The following FHOD3 variants were observed in gnomAD, a reference collection of about 807,000 sequenced individuals.
FHOD3 encodes formin homology 2 domain containing 3.
Under a neutral mutation model 173.0 loss-of-function variants are expected in FHOD3, and 90 were observed. The observed-to-expected ratio is 0.52, with a 90% CI of 0.44 to 0.62. The LOEUF (loss-of-function observed/expected upper bound fraction) is 0.62, where lower values mean the gene tolerates loss of function less well. FHOD3 is among the 20% of genes least tolerant of loss of function. The probability of loss-of-function intolerance (pLI) is 0.00; values close to 1 mark genes in which losing one functional copy is unlikely to be tolerated. For synonymous variants in FHOD3, 828 were observed against 823.0 expected (o/e 1.01, Z -0.10); for missense variants, 1,945 against 2,034.7 (o/e 0.96, Z 0.85).
intron 3 of FHOD3, among the ~76,000 whole-genome samples, chr18:36,401,164 A>G (rs2048794683): frequency 6.6e-6 from 1 of 152,158 alleles, no homozygotes; most frequent in Non-Finnish European, 1.5e-5. Context: ...CAATCACCAA[A>G]GCACTGGTAT....
At chr18:36,416,154 T>C (rs1402730734) in intron 3 of FHOD3, among the ~76,000 whole-genome samples, 4 of 152,146 alleles carry the variant, frequency 2.6e-5, no homozygotes, top group Non-Finnish European at 5.9e-5. Flanking sequence ...TGCCTCAGCC[T>C]TGCGAGTAGC....
chr18:36,514,764 C>T (rs771592588), intron 5 of FHOD3, among the ~76,000 whole-genome samples: 1 of 152,162 alleles, frequency 6.6e-6, no homozygotes, highest in Non-Finnish European at 1.5e-5. Context: ...CAATAGTTTA[C>T]CTCCAAGCCC....
intron 3 of FHOD3, among the ~76,000 whole-genome samples, chr18:36,468,407 G>A (rs889430495): frequency 1.3e-5 from 2 of 152,154 alleles, no homozygotes; most frequent in Non-Finnish European, 2.9e-5. Flanking sequence ...CGGAGGTGGT[G>A]GAGAAAGAAG....
At chr18:36,689,945 A>G (rs906260060) in intron 16 of FHOD3, among the ~76,000 whole-genome samples, 1 of 152,180 alleles carries the variant, frequency 6.6e-6, no homozygotes, top group African/African-American at 2.4e-5. Flanking sequence ...ACTTTAATGT[A>G]AGTGAGAATT....
chr18:36,638,774 G>T (rs370532857), intron 10 of FHOD3, among the ~76,000 whole-genome samples: 9 of 152,296 alleles, frequency 5.9e-5, no homozygotes, highest in African/African-American at 1.9e-4. Flanking sequence ...TGGAGAGGCA[G>T]GAAGCGTTGA....
At chr18:36,515,198 A>G (rs1022643460) in intron 5 of FHOD3, among the ~76,000 whole-genome samples, 3 of 152,100 alleles carry the variant, frequency 2.0e-5, no homozygotes, top group African/African-American at 7.2e-5. Flanking sequence ...ATTTACCATG[A>G]AGCTTACAGC....
chr18:36,413,621 C>G (rs753093461), intron 3 of FHOD3, among the ~76,000 whole-genome samples: 1 of 152,182 alleles, frequency 6.6e-6, no homozygotes, highest in Non-Finnish European at 1.5e-5. Context: ...TGTTAGGCAG[C>G]CTGGATTTAT....
Position 36,769,251 on chromosome 18 carries a change from T to G in FHOD3, c.4625-14T>G. On this transcript the variant is annotated splice_polypyrimidine_tract_variant and intron_variant, in intron 27 of 28. Transcript: ENST00000590592. ...TTCTGAGTATGTTGTGCACTCTGGC[T>G]GTTTAATTTTTAGGATCCACTAGTT... 6.2e-7 allele frequency: 1 copy of G among 1,613,734 alleles called. No homozygotes were observed. The highest frequency in any genetic ancestry group is 8.5e-7 in the Non-Finnish European group (1 of 1,179,762).
rs1460735989 is a variant in FHOD3, at chr18:36,730,676, A to G, written c.3448A>G (p.Ile1150Val). Reference protein sequence around the residue: ...KTAADGKRQEIIVLDSKRSNA... With the variant: ...KTAADGKRQEVIVLDSKRSNA... ...TGCTGCAGATGGAAAAAGGCAAGAGATCATTGTTCTGGATTCCAAGAGGAG... is the reference window on the plus strand; with the variant it reads ...TGCTGCAGATGGAAAAAGGCAAGAGGTCATTGTTCTGGATTCCAAGAGGAG... Residue 1150 changes from isoleucine (I) to valine (V), a missense_variant, in exon 20 of 29, where the codon ATC (isoleucine) becomes GTC (valine). Ile to Val is a conservative substitution (Grantham distance 29). Coordinates refer to ENST00000590592, the MANE Select transcript of FHOD3 (RefSeq NM_001281740.3). The G allele has an allele frequency of 6.2e-7, 1 of 1,613,852 alleles. No homozygotes were observed. Among genetic ancestry groups the G allele is most frequent in the Non-Finnish European group, 8.5e-7 (1 of 1,179,934 alleles).
At chr18:36,745,842 CCGCCACACCCTCCA>C (rs1198605273) in intron 23 of FHOD3, among the ~76,000 whole-genome samples, 1 of 151,296 alleles carries the variant, frequency 6.6e-6, no homozygotes, top group Non-Finnish European at 1.5e-5. Context: ...CCGCTCATCC[CCGCCACACCCTCCA>C]CGCACCTCGT....
intron 3 of FHOD3, among the ~76,000 whole-genome samples, chr18:36,378,376 C>T (rs1407133931): frequency 6.6e-6 from 1 of 152,124 alleles, no homozygotes; most frequent in East Asian, 1.9e-4. Context: ...AAGAACCTCA[C>T]ATCATCTGTT....
Position 36,652,574 on chromosome 18 carries a change from G to A in FHOD3, c.1291G>A (p.Val431Ile), listed in dbSNP as rs1327995452. 1.3e-6 allele frequency: 2 copies of A among 1,526,326 alleles called. No individual in the cohort carries two copies. The highest frequency in any genetic ancestry group is 2.0e-5 in the Admixed American group (1 of 50,794). 94.5% of individuals were successfully genotyped at this position (1,526,326 alleles called of 1,614,324 possible). A position where few individuals can be genotyped will look rare whatever the true frequency, so the allele number is the denominator to read the frequency against. Residue 431 changes from valine (V) to isoleucine (I), a missense_variant, in exon 12 of 29, where the codon GTC becomes ATC. Around this residue, in one of 5 missense-constraint regions of FHOD3, gnomAD observed 1,099 missense variants for 1,051.2 expected, o/e 1.05. Transcript: ENST00000590592. ...TCCTCCCTGCTGGCCCAACAGCAAG[G>A]TCGGCGCTGCCTCAGGGCAGAGCCC... ...DASCQGKDSK[V>I]GAASGQSPTG...
chr18:36,336,848 CAAAA>C (rs36099993), intron 1 of FHOD3, among the ~76,000 whole-genome samples: 861 of 35,812 alleles, frequency 0.024, 26 homozygotes, highest in African/African-American at 0.067. Flanking sequence ...AACTCCGTCT[CAAAA>C]AAAAAAAAAA....
intron 3 of FHOD3, among the ~76,000 whole-genome samples, chr18:36,411,899 C>G (rs2049371196): frequency 6.6e-6 from 1 of 152,218 alleles, no homozygotes; most frequent in East Asian, 1.9e-4. Flanking sequence ...CTTTGGGTAG[C>G]TGCTGCTCCA....
chr18:36,319,785 GTC>G (rs1318745916), intron 1 of FHOD3, among the ~76,000 whole-genome samples: 1 of 152,122 alleles, frequency 6.6e-6, no homozygotes, highest in African/African-American at 2.4e-5. Flanking sequence ...ATGACAAACT[GTC>G]TCTCAGACCA....
At chr18:36,707,390 A>G (rs576315319) in intron 17 of FHOD3, among the ~76,000 whole-genome samples, 1 of 151,754 alleles carries the variant, frequency 6.6e-6, no homozygotes, top group Non-Finnish European at 1.5e-5. Flanking sequence ...AGAGGAATTT[A>G]CTCCTCCACC....
chr18:36,535,551 C>A (rs139785374), intron 5 of FHOD3, among the ~76,000 whole-genome samples: 1 of 152,228 alleles, frequency 6.6e-6, no homozygotes, highest in African/African-American at 2.4e-5. Context: ...TTGCCTGAAG[C>A]CAGAAGCACT....
At chr18:36,637,545 C>T (rs1445971429) in intron 10 of FHOD3, among the ~76,000 whole-genome samples, 2 of 152,180 alleles carry the variant, frequency 1.3e-5, no homozygotes, top group African/African-American at 4.8e-5. Context: ...TGTGAGGCAC[C>T]GTACTAGGCC....
At chr18:36,750,792 A>G (rs1424491489) in intron 24 of FHOD3, among the ~76,000 whole-genome samples, 1 of 152,202 alleles carries the variant, frequency 6.6e-6, no homozygotes, top group Non-Finnish European at 1.5e-5. Context: ...TCAGATGGTC[A>G]TAGGTGTGTG....
Sources: gnomAD v4.1 joint callset for allele counts (sites outside exome capture counted in the v4.1 genomes callset) on GRCh38, gnomAD v4.1.1 for gene constraint, gnomAD v4.1.1 regional missense constraint, MANE v1.5 for transcripts, NCBI Gene and HGNC (gene_info 2026-07-23, HGNC 2026-07-21) for gene names.